Variants in KCNN2 observed in about 807,000 individuals in gnomAD.
KCNN2 encodes small conductance calcium-activated potassium channel protein 2.
In KCNN2, 24 loss-of-function variants were observed where a neutral mutation model predicts 55.5. The ratio of observed to expected loss-of-function variants is 0.43; its 90% CI spans 0.31 to 0.61. KCNN2 has a LOEUF of 0.61. Ranked by LOEUF, KCNN2 falls within the 20% of genes least tolerant of loss-of-function variation. The pLI is 0.08. For missense variants in KCNN2, 754 were observed against 853.6 expected (o/e 0.88, Z 1.45); for synonymous variants, 431 against 336.1 (o/e 1.28, Z -3.09).
At chr5:114,148,528 G>C (rs1752451037) in intron 1 of KCNN2, among the ~76,000 whole-genome samples, 1 of 152,244 alleles carries the variant, frequency 6.6e-6, no homozygotes, top group East Asian at 1.9e-4. Context: ...GAGAGTGAGG[G>C]CACTGGGACG....
rs1240143058 is a variant in KCNN2 at position 114,483,735 on chromosome 5, G to A, written c.1891-3315G>A. ...CAACTGTGTGTGTGTGTGTGTGTGT[G>A]TGTGTGTGTAAAGATGTTCCTGTTA... On this transcript the variant is annotated intron_variant, in intron 5 of 7. Transcript: ENST00000673685. 2.0e-5 allele frequency among the ~76,000 whole-genome samples: 3 copies of A among 152,032 alleles called. No individual in the cohort carries two copies. The East Asian group carries it at 5.8e-4, about 29-fold the overall frequency.
chr5:114,356,712 C>G (rs1757299709), intron 2 of KCNN2, among the ~76,000 whole-genome samples: 1 of 152,084 alleles, frequency 6.6e-6, no homozygotes, highest in South Asian at 2.1e-4. Context: ...TATGCTCATT[C>G]ATGTCTTGAT....
intron 2 of KCNN2, among the ~76,000 whole-genome samples, chr5:114,278,641 G>A (rs74611862): frequency 0.051 from 7,764 of 152,308 alleles, 238 homozygotes; most frequent in South Asian, 0.068. Context: ...CACTAGCAGT[G>A]AGCAAGGCTC....
intron 2 of KCNN2, among the ~76,000 whole-genome samples, chr5:114,355,381 C>T (rs1001417638): frequency 6.6e-6 from 1 of 152,190 alleles, no homozygotes; most frequent in African/African-American, 2.4e-5. Flanking sequence ...AAAATATACA[C>T]TGGATTTCAA....
Position 114,323,649 on chromosome 5 carries a change from A to ATTTTTTT in KCNN2, c.-184-37284_-184-37278dup, listed in dbSNP as rs6149185. On this transcript the variant is annotated intron_variant, in intron 2 of 10. Coordinates refer to the KCNN2 transcript ENST00000512097. ...TAAGTATCATGATATAAACATATCAATTTTTTTTTTTTTTTTTTGCTGGTC... is the reference window on the plus strand; with the variant it reads ...TAAGTATCATGATATAAACATATCAATTTTTTTTTTTTTTTTTTTTTTTTTGCTGGTC... Among the ~76,000 whole-genome samples, 53 of 85,288 alleles carry ATTTTTTT rather than the reference A, an allele frequency of 6.2e-4. 10 individuals are homozygous for ATTTTTTT. The highest frequency in any genetic ancestry group is 1.1e-3 in the South Asian group (2 of 1,876). 56.0% of individuals were successfully genotyped at this position (85,288 alleles called of 152,430 possible).
chr5:114,377,503 T>G (rs1757980819), intron 2 of KCNN2, among the ~76,000 whole-genome samples: 1 of 152,162 alleles, frequency 6.6e-6, no homozygotes, highest in Admixed American at 6.5e-5. Context: ...GCTGCTTGAA[T>G]GAAGGTGATA....
chr5:114,453,617 T>C (rs758722280), intron 3 of KCNN2, among the ~76,000 whole-genome samples: 3 of 152,216 alleles, frequency 2.0e-5, no homozygotes, highest in Non-Finnish European at 4.4e-5. Flanking sequence ...ATTATCCTTC[T>C]GGAAAGATAG....
chr5:114,493,204 C>T (rs1747945530), intron 6 of KCNN2, 199 bp from the exon 7 acceptor site: 8 of 663,556 alleles, frequency 1.2e-5, no homozygotes, highest in Non-Finnish European at 2.0e-5. Flanking sequence ...TGCTCTCACT[C>T]TCTCCTTTCT....
chr5:114,463,213 T>C, intron 4 of KCNN2, 23 bp downstream of exon 4: 1 of 1,594,068 alleles, frequency 6.3e-7, no homozygotes, highest in African/African-American at 1.3e-5. Flanking sequence ...ATACTTCACA[T>C]CTCTTTTATT....
intron 2 of KCNN2, among the ~76,000 whole-genome samples, chr5:114,298,441 G>T (rs945814032): frequency 1.3e-5 from 2 of 152,196 alleles, no homozygotes; most frequent in Admixed American, 1.3e-4. Flanking sequence ...CTCACCAGTT[G>T]CAACACTGGT....
chr5:114,485,910 T>C (rs1762418172), intron 5 of KCNN2, among the ~76,000 whole-genome samples: 1 of 152,206 alleles, frequency 6.6e-6, no homozygotes, highest in Admixed American at 6.5e-5. Context: ...GCCCATAGTT[T>C]AGTGTAATTC....
At chr5:114,454,272 T>A (rs971976245) in intron 3 of KCNN2, among the ~76,000 whole-genome samples, 1 of 152,180 alleles carries the variant, frequency 6.6e-6, no homozygotes, top group African/African-American at 2.4e-5. Flanking sequence ...TTCTGTTTCC[T>A]CCCTTCCCTT....
At chr5:114,202,226 A>T (rs909670581) in intron 1 of KCNN2, among the ~76,000 whole-genome samples, 1 of 151,458 alleles carries the variant, frequency 6.6e-6, no homozygotes. Context: ...CTGGAGCAAC[A>T]TCTCTGTGCA....
chr5:114,065,257 C>G (rs917095241), intron 1 of KCNN2, among the ~76,000 whole-genome samples: 4 of 152,132 alleles, frequency 2.6e-5, no homozygotes, highest in African/African-American at 9.7e-5. Flanking sequence ...TGTTTCATTT[C>G]CTATTGATGA....
chr5:114,398,587 T>C (rs60693541), intron 2 of KCNN2, among the ~76,000 whole-genome samples: 1 of 152,204 alleles, frequency 6.6e-6, no homozygotes, highest in African/African-American at 2.4e-5. Context: ...CTGTGAAGAA[T>C]GTCATTGACA....
chr5:114,253,556 T>A (rs1754923171), intron 2 of KCNN2: 1 of 155,178 alleles, frequency 6.4e-6, no homozygotes, highest in Non-Finnish European at 1.5e-5. Flanking sequence ...AGTGCCAGGG[T>A]TGATTCAGCT....
chr5:114,156,341 C>A (rs1190961489), intron 1 of KCNN2, among the ~76,000 whole-genome samples: 1 of 152,120 alleles, frequency 6.6e-6, no homozygotes, highest in Non-Finnish European at 1.5e-5. Context: ...GTTCTTTTTA[C>A]TTGGCCTTGC....
intron 1 of KCNN2, among the ~76,000 whole-genome samples, chr5:114,108,462 T>C (rs1202874972): frequency 2.0e-5 from 3 of 152,084 alleles, no homozygotes; most frequent in African/African-American, 7.2e-5. Flanking sequence ...TGCCCACATA[T>C]TAAAAAGCAC....
chr5:114,239,498 T>C (rs1335274163), intron 2 of KCNN2, among the ~76,000 whole-genome samples: 2 of 152,282 alleles, frequency 1.3e-5, no homozygotes, highest in East Asian at 3.9e-4. Context: ...AAATGAAGCC[T>C]AACTGGGGCA....
Sources: allele counts gnomAD v4.1 joint callset (sites outside exome capture counted in the v4.1 genomes callset), GRCh38; gene constraint gnomAD v4.1.1; transcripts MANE v1.5; gene names NCBI Gene and HGNC (gene_info 2026-07-23, HGNC 2026-07-21).